The following SHANK1 variants were observed in gnomAD, a reference collection of about 807,000 sequenced individuals.
The protein encoded by SHANK1 is SH3 and multiple ankyrin repeat domains protein 1.
In SHANK1, 35 loss-of-function variants were observed where a neutral mutation model predicts 165.6. That is an observed-to-expected ratio of 0.21 (90% CI 0.16 to 0.28). SHANK1 has a LOEUF of 0.28. SHANK1 is among the 10% of genes least tolerant of loss of function. SHANK1 has a pLI of 1.00. For missense variants in SHANK1, 2,681 were observed against 3,036.4 expected, an observed-to-expected ratio of 0.88 and a Z score of 2.75; for synonymous variants, 1,428 against 1,384.8, an observed-to-expected ratio of 1.03 and a Z score of -0.69.
chr19:50,668,238 C>T lies in SHANK1; in HGVS notation c.3722G>A (p.Arg1241Gln). The change falls in exon 23 of 24, where the codon CGG (arginine) becomes CAG (glutamine). Residue 1241 changes from arginine (R) to glutamine (Q), a missense_variant. By Grantham distance (43) the Arg-to-Gln change is conservative (BLOSUM62 1). Transcript: ENST00000293441. ...CTCATTCTGCCAGCCCCCCTCCCTC[C>T]GGGCCGCCCCCACCAGGGCGGCCCC... ...QFGAALVGAA[R>Q]REGGWQNEAR... The T allele has an allele frequency of 6.8e-7, 1 of 1,466,272 alleles. No homozygotes were observed. Among genetic ancestry groups the T allele is most frequent in the Non-Finnish European group, 8.9e-7 (1 of 1,123,746 alleles). The allele number at this position is 1,466,272 out of a possible 1,614,324, so 90.8% of individuals were successfully genotyped here.
chr19:50,686,619 G>T lies in SHANK1; in HGVS notation c.2458+125C>A. ...GAGAGGGCGGGCGGAGGGAGGGGAGGTGGGATCGCAGCCTCTCTGGGGCAG... is the reference window on the plus strand; with the variant it reads ...GAGAGGGCGGGCGGAGGGAGGGGAGTTGGGATCGCAGCCTCTCTGGGGCAG... On this transcript the variant is annotated intron_variant, in intron 20 of 23. Transcript: ENST00000293441. This position sits in a 1 kb window ranked among gnomAD's most constrained non-coding sequence, Gnocchi z 5.7. 2 of 896,308 alleles carry T rather than the reference G, an allele frequency of 2.2e-6. No individual in the cohort carries two copies. Among genetic ancestry groups the T allele is most frequent in the Non-Finnish European group, 1.7e-6 (1 of 582,474 alleles). The allele number at this position is 896,308 out of a possible 1,614,324, so 55.5% of individuals were successfully genotyped here.
Position 50,689,297 on chromosome 19 carries a change from GA to G in SHANK1, c.1965-19del. Reference sequence around the variant, plus strand: ...TGTAATCGCTGGCAGGGAGGCAGGAGAAATGGGGGGGTGGTGGGGGGAGTGG... The same window carrying G: ...TGTAATCGCTGGCAGGGAGGCAGGAGAATGGGGGGGTGGTGGGGGGAGTGG... On this transcript the variant is annotated intron_variant, in intron 15 of 23. Transcript: ENST00000293441. The G allele has an allele frequency of 7.3e-7, 1 of 1,361,036 alleles. No homozygotes were observed. The highest frequency in any genetic ancestry group is 1.1e-6 in the Non-Finnish European group (1 of 950,830). The allele number at this position is 1,361,036 out of a possible 1,614,324, so 84.3% of individuals were successfully genotyped here. A position where few individuals can be genotyped will look rare whatever the true frequency, so the allele number is the denominator to read the frequency against.
At position 50,670,062 on chromosome 19, in the gene SHANK1, C is replaced by T. The variant is rs781243360; in HGVS notation, c.2675-777G>A. On this transcript the variant is annotated intron_variant, in intron 22 of 23. Coordinates refer to ENST00000293441, the MANE Select transcript of SHANK1 (RefSeq NM_016148.5). This position sits in a 1 kb window ranked among gnomAD's most constrained non-coding sequence, Gnocchi z 4.1. ...CGTTTATGCCTGGGGCCCCATCCTC[C>T]GCCCTGAGCTCTGGGCCCCTATATT... 3.9e-5 allele frequency among the ~76,000 whole-genome samples: 6 copies of T among 152,110 alleles called. No homozygotes were observed. Among genetic ancestry groups the T allele is most frequent in the African/African-American group, 4.8e-5 (2 of 41,388 alleles).
At chr19:50,707,932 TTTTCTTTTCTTTTCTTTTC>T (rs2088964091) in intron 8 of SHANK1, among the ~76,000 whole-genome samples, 1 of 87,230 alleles carries the variant, frequency 1.1e-5, no homozygotes, top group Non-Finnish European at 2.3e-5. Flanking sequence ...TTTTCTTTTC[TTTTCTTTTCTTTTCTTTTC>T]TTTTCTTTTC....
chr19:50,693,199 T>G (rs1007530458), intron 15 of SHANK1, among the ~76,000 whole-genome samples: 48 of 143,448 alleles, frequency 3.3e-4, no homozygotes, highest in Non-Finnish European at 6.9e-4. Context: ...CTCCCCCTAC[T>G]GCCCAAATCC....
Position 50,667,462 on chromosome 19 carries a change from G to A in SHANK1, c.4498C>T (p.Pro1500Ser). The change falls in exon 23 of 24, where the codon CCC becomes TCC. Residue 1500 changes from proline to serine, a missense_variant. Transcript: ENST00000293441. The surrounding 1 kb of genome is among the most constrained non-coding windows in gnomAD (Gnocchi z 5.7). ...LHVRFLENCQ[P>S]RAPVTSGRGP... ...CTTCCGCTCGTCACAGGGGCCCGGG[G>A]CTGGCAGTTTTCAAGGAACCGCACG... The A allele has an allele frequency of 2.0e-6, 3 of 1,530,234 alleles. No individual in the cohort carries two copies. Among genetic ancestry groups the A allele is most frequent in the Admixed American group, 2.1e-5 (1 of 47,478 alleles). 94.8% of individuals were successfully genotyped at this position (1,530,234 alleles called of 1,614,324 possible).
intron 4 of SHANK1, 46 bp from the exon 5 acceptor site, chr19:50,714,336 G>C (rs1284748545): frequency 6.4e-7 from 1 of 1,555,460 alleles, no homozygotes; most frequent in Non-Finnish European, 8.8e-7. Flanking sequence ...TCAGGAGCAA[G>C]GCAGAGAAGC....
In SHANK1 at chr19:50,702,009, C is replaced by T. The variant is rs1303795640; in HGVS notation, c.1747+458G>A. 2.0e-5 allele frequency among the ~76,000 whole-genome samples: 3 copies of T among 152,186 alleles called. No homozygotes were observed. The highest frequency in any genetic ancestry group is 2.9e-5 in the Non-Finnish European group (2 of 68,036). On this transcript the variant is annotated intron_variant, in intron 12 of 23. Transcript: ENST00000293441. The surrounding 1 kb of genome is among the most constrained non-coding windows in gnomAD (Gnocchi z 5.3). ...CTGCCTGTCTCTCAGTTGAGGACCC[C>T]TGGACAGATGCAGGAGGCAAAGTTA...
At chr19:50,710,830 G>A (rs1169823097) in intron 8 of SHANK1, among the ~76,000 whole-genome samples, 3 of 152,196 alleles carry the variant, frequency 2.0e-5, no homozygotes, top group Non-Finnish European at 4.4e-5. Flanking sequence ...ACACACCACT[G>A]GCTGAATGCA....
Position 50,711,485 on chromosome 19 carries a change from G to C in SHANK1, c.963C>G (p.Ala321=). The C allele has an allele frequency of 6.4e-7, 1 of 1,572,450 alleles. No homozygotes were observed. The highest frequency in any genetic ancestry group is 2.3e-5 in the East Asian group (1 of 42,558). ...DENGWQEIHQ[A]CQRGHSQHLE... ...GGTGCTGAGAGTGACCCCGCTGGCA[G>C]GCCTGGGCAGGACAGGGAGCGAGGG... The change falls in exon 8 of 24, where the codon GCC becomes GCG. Residue 321 remains alanine (A), a splice_region_variant and synonymous_variant. Coordinates refer to ENST00000293441, the MANE Select transcript of SHANK1 (RefSeq NM_016148.5).
intron 15 of SHANK1, among the ~76,000 whole-genome samples, chr19:50,695,347 G>A (rs1048663463): frequency 2.0e-5 from 3 of 149,238 alleles, no homozygotes; most frequent in Admixed American, 6.6e-5. Context: ...CTCCGGAGGC[G>A]GGCGGCGGGC....
intron 21 of SHANK1, among the ~76,000 whole-genome samples, chr19:50,682,429 A>C (rs1986208586): frequency 6.6e-6 from 1 of 152,174 alleles, no homozygotes; most frequent in Non-Finnish European, 1.5e-5. Context: ...ACCTCATGGA[A>C]CCCTCATAAG....
In SHANK1 at chr19:50,662,950, A is replaced by C. The variant is rs1985328818; in HGVS notation, c.5769-268T>G. ...AAAGAAAAAGAGACATTAAGTGATAATAATAATAATCGTCACCGCTTACTG... is the reference window on the plus strand; with the variant it reads ...AAAGAAAAAGAGACATTAAGTGATACTAATAATAATCGTCACCGCTTACTG... On this transcript the variant is annotated intron_variant, in intron 23 of 23. Transcript: ENST00000293441. This position sits in a 1 kb window ranked among gnomAD's most constrained non-coding sequence, Gnocchi z 7.7. 3 of 503,782 alleles carry C rather than the reference A, an allele frequency of 6.0e-6. No homozygotes were observed. The highest frequency in any genetic ancestry group is 3.6e-6 in the Non-Finnish European group (1 of 279,834). 31.2% of individuals were successfully genotyped at this position (503,782 alleles called of 1,614,324 possible). A position where few individuals can be genotyped will look rare whatever the true frequency, so the allele number is the denominator to read the frequency against.
rs1986795712 is a variant in SHANK1 at position 50,697,985 on chromosome 19, T to C, written c.1748-29A>G. The C allele has an allele frequency of 2.1e-6, 3 of 1,462,776 alleles. No homozygotes were observed. The highest frequency in any genetic ancestry group is 1.4e-5 in the African/African-American group (1 of 71,790). 90.6% of individuals were successfully genotyped at this position (1,462,776 alleles called of 1,614,324 possible). On this transcript the variant is annotated intron_variant, in intron 12 of 23. Transcript: ENST00000293441. The surrounding 1 kb of genome is among the most constrained non-coding windows in gnomAD (Gnocchi z 4.7). ...GATGGGGAACGGGGACATAGAGACA[T>C]TTCTGTGTTTCTGTGCTGCCCCTCA...
intron 10 of SHANK1, 48 bp downstream of exon 10, chr19:50,704,072 C>T (rs1470619526): frequency 1.9e-6 from 3 of 1,599,226 alleles, no homozygotes; most frequent in Admixed American, 1.7e-5. Context: ...ACCATGAAAC[C>T]TCAACCGCCC....
In SHANK1 at chr19:50,717,136, G is replaced by A. The variant is rs891329151; in HGVS notation, c.-43-174C>T. 6.6e-6 allele frequency among the ~76,000 whole-genome samples: 1 copy of A among 152,140 alleles called. No homozygotes were observed. Among genetic ancestry groups the A allele is most frequent in the Non-Finnish European group, 1.5e-5 (1 of 68,012 alleles). ...GGCCTCCCCTGCCGCCTCCTCCCAC[G>A]CTGGCACGCACACACCCCTGTCCCT... is the stretch of plus-strand genomic sequence containing the variant. On this transcript the variant is annotated intron_variant, in intron 1 of 23. Coordinates refer to ENST00000293441, the MANE Select transcript of SHANK1 (RefSeq NM_016148.5). The surrounding 1 kb of genome is among the most constrained non-coding windows in gnomAD (Gnocchi z 5.5).
intron 8 of SHANK1, among the ~76,000 whole-genome samples, chr19:50,709,595 G>A (rs2088984446): frequency 6.6e-6 from 1 of 151,826 alleles, no homozygotes; most frequent in Non-Finnish European, 1.5e-5. Flanking sequence ...TGTCACCCAG[G>A]CTGGAGTGCA....
intron 21 of SHANK1, among the ~76,000 whole-genome samples, chr19:50,683,372 C>T (rs1322647626): frequency 6.6e-6 from 1 of 152,184 alleles, no homozygotes; most frequent in Non-Finnish European, 1.5e-5. Flanking sequence ...CACACATTTC[C>T]CTCAACCAAT....
rs1413407977 is a variant in SHANK1 at position 50,690,818 on chromosome 19, G to A, written c.1965-1539C>T. ...ACGCCCTCTGAACACATACATCCCA[G>A]CAAATGCCAATAATACTTACTGTGC... On this transcript the variant is annotated intron_variant, in intron 15 of 23. Coordinates refer to ENST00000293441, the MANE Select transcript of SHANK1 (RefSeq NM_016148.5). This position sits in a 1 kb window ranked among gnomAD's most constrained non-coding sequence, Gnocchi z 4.9. Among the ~76,000 whole-genome samples the A allele has an allele frequency of 6.6e-6, 1 of 151,946 alleles. No homozygotes were observed. Among genetic ancestry groups the A allele is most frequent in the Admixed American group, 6.6e-5 (1 of 15,256 alleles).
Sources: gnomAD v4.1 joint callset for allele counts (sites outside exome capture counted in the v4.1 genomes callset) on GRCh38, gnomAD v4.1.1 for gene constraint, Gnocchi (gnomAD v3.1) non-coding constraint, MANE v1.5 for transcripts, NCBI Gene and HGNC (gene_info 2026-07-23, HGNC 2026-07-21) for gene names.